EFR3A: variants seen among roughly 807,000 people sequenced by gnomAD.
EFR3A encodes protein EFR3 homolog A.
In EFR3A, 76 loss-of-function variants were observed where a neutral mutation model predicts 104.4. The observed-to-expected ratio is 0.73, with a 90% confidence interval of 0.60 to 0.88. The LOEUF (loss-of-function observed/expected upper bound fraction) is 0.88, where lower values mean the gene tolerates loss of function less well. EFR3A is among the 40% of genes least tolerant of loss of function. The pLI is 0.00. For missense variants in EFR3A, 985 were observed against 1,012.5 expected, an observed-to-expected ratio of 0.97 and a Z score of 0.37; for synonymous variants, 330 against 330.0, an observed-to-expected ratio of 1.00 and a Z score of 0.00.
chr8:131,967,540 G>A (rs1819803815), intron 8 of EFR3A, among the ~76,000 whole-genome samples: 1 of 148,130 alleles, frequency 6.8e-6, no homozygotes, highest in Non-Finnish European at 1.5e-5. Flanking sequence ...TGTAAGTGTA[G>A]GTTTTAAAAA....
intron 19 of EFR3A, among the ~76,000 whole-genome samples, chr8:132,000,570 A>G (rs1198938686): frequency 6.6e-6 from 1 of 152,184 alleles, no homozygotes. Flanking sequence ...TAAAAATTAT[A>G]TGTATCAAGA....
At chr8:131,976,283 C>G (rs1332643749) in intron 11 of EFR3A, 142 bp downstream of exon 11, 2 of 617,648 alleles carry the variant, frequency 3.2e-6, no homozygotes, top group African/African-American at 1.9e-5. Flanking sequence ...ATTATTATGA[C>G]AGTAGATTGC....
intron 22 of EFR3A, among the ~76,000 whole-genome samples, chr8:132,009,828 T>C (rs1166875036): frequency 6.6e-6 from 1 of 152,036 alleles, no homozygotes; most frequent in Non-Finnish European, 1.5e-5. Context: ...CTAAAAATTA[T>C]AAGGAAATAA....
chr8:131,968,282 T>C lies in EFR3A; in HGVS notation c.856-13T>C. ...ACTTTTTATACATCTTTGTACTGTT[T>C]TGTCTCCTTCAGGCTCAGTATTCTC... On this transcript the variant is annotated splice_polypyrimidine_tract_variant and intron_variant, in intron 8 of 22. Transcript: ENST00000254624. 6 of 1,612,448 alleles carry C rather than the reference T, an allele frequency of 3.7e-6. No homozygotes were observed. The highest frequency in any genetic ancestry group is 5.1e-6 in the Non-Finnish European group (6 of 1,178,990).
intron 1 of EFR3A, among the ~76,000 whole-genome samples, chr8:131,921,969 A>G (rs1339685318): frequency 6.6e-6 from 1 of 152,200 alleles, no homozygotes; most frequent in Non-Finnish European, 1.5e-5. Context: ...GGCTTAAGAC[A>G]ACAGAATATT....
chr8:131,949,918 G>T, intron 4 of EFR3A, 51 bp from the exon 5 acceptor site: 5 of 1,472,778 alleles, frequency 3.4e-6, no homozygotes, highest in Non-Finnish European at 4.6e-6. Flanking sequence ...AATGTATTTG[G>T]TTCACACTTC....
At chr8:132,010,439 T>TATATATATATAGG (rs1563716523) in intron 22 of EFR3A, among the ~76,000 whole-genome samples, 7 of 126,708 alleles carry the variant, frequency 5.5e-5, no homozygotes, top group African/African-American at 2.1e-4. Flanking sequence ...TATATATATA[T>TATATATATATAGG]ATATATATAT....
intron 1 of EFR3A, among the ~76,000 whole-genome samples, chr8:131,920,549 A>T (rs921019895): frequency 1.3e-5 from 2 of 152,196 alleles, no homozygotes; most frequent in African/African-American, 2.4e-5. Context: ...CTCAAGCAGG[A>T]TGTCGCTTCC....
At chr8:131,974,719 A>G (rs1364951434) in intron 10 of EFR3A, among the ~76,000 whole-genome samples, 16 of 152,216 alleles carry the variant, frequency 1.1e-4, no homozygotes, top group African/African-American at 2.4e-4. Flanking sequence ...GTTAACAACA[A>G]TATACTTTAT....
At chr8:132,003,165 G>A in intron 21 of EFR3A, 71 bp from the exon 22 acceptor site, 15 of 1,203,972 alleles carry the variant, frequency 1.2e-5, no homozygotes, top group Non-Finnish European at 1.8e-5. Flanking sequence ...TGTCTCTTAA[G>A]TTACATTGAT....
chr8:131,953,134 A>G (rs2130616510), intron 5 of EFR3A, among the ~76,000 whole-genome samples: 1 of 152,164 alleles, frequency 6.6e-6, no homozygotes, highest in Non-Finnish European at 1.5e-5. Flanking sequence ...GCTTTTTTAA[A>G]GAAGTGTAAG....
chr8:131,982,162 G>A (rs1311245392), intron 14 of EFR3A, among the ~76,000 whole-genome samples: 1 of 151,970 alleles, frequency 6.6e-6, no homozygotes, highest in Non-Finnish European at 1.5e-5. Context: ...GATGGAAATT[G>A]ACTCTTTCAA....
chr8:131,963,069 T>C (rs7465452), intron 8 of EFR3A, among the ~76,000 whole-genome samples: 4 of 150,812 alleles, frequency 2.7e-5, no homozygotes, highest in Non-Finnish European at 5.9e-5. Flanking sequence ...CATTTAAAGC[T>C]GTGTGTAGAG....
rs28516018 is a variant in EFR3A, at chr8:131,960,682, G to A, written c.855+1019G>A. On this transcript the variant is annotated intron_variant, in intron 8 of 22. Transcript: ENST00000254624. ...CTCTCTCCATAAAACAAACAAACTG[G>A]TCTTGACCAGGATTTATATCCTTAA... 1.3e-3 allele frequency among the ~76,000 whole-genome samples: 200 copies of A among 152,174 alleles called. 1 individual carries two copies. The highest frequency in any genetic ancestry group is 4.5e-3 in the African/African-American group (189 of 41,540).
chr8:131,906,872 TTTCA>T (rs1257073440), intron 1 of EFR3A, among the ~76,000 whole-genome samples: 2 of 152,364 alleles, frequency 1.3e-5, no homozygotes, highest in Admixed American at 1.3e-4. Context: ...GAGGCCTTTA[TTTCA>T]TTCTCCATTC....
intron 1 of EFR3A, among the ~76,000 whole-genome samples, chr8:131,904,622 C>T (rs1252642046): frequency 2.6e-5 from 4 of 152,244 alleles, no homozygotes; most frequent in Non-Finnish European, 4.4e-5. Context: ...AGCCCTTTTC[C>T]CACGGCCACA....
chr8:131,939,310 G>C (rs4358787), intron 1 of EFR3A, among the ~76,000 whole-genome samples: 47,974 of 151,956 alleles, frequency 0.32, 8,080 homozygotes, highest in East Asian at 0.61. Context: ...CTTCAGATCT[G>C]TCTGTTCCAA....
At chr8:131,916,749 T>C (rs1816760942) in intron 1 of EFR3A, among the ~76,000 whole-genome samples, 1 of 152,210 alleles carries the variant, frequency 6.6e-6, no homozygotes, top group Admixed American at 6.5e-5. Flanking sequence ...CTCACACTTA[T>C]TTTTAGTAGC....
chr8:131,930,807 TC>T (rs1446347075), intron 1 of EFR3A, among the ~76,000 whole-genome samples: 1 of 150,056 alleles, frequency 6.7e-6, no homozygotes, highest in African/African-American at 2.4e-5. Flanking sequence ...GTCATAGCAT[TC>T]ATTATTTTTC....
Sources: allele counts gnomAD v4.1 joint callset (sites outside exome capture counted in the v4.1 genomes callset), GRCh38; gene constraint gnomAD v4.1.1; transcripts MANE v1.5; gene names NCBI Gene and HGNC (gene_info 2026-07-23, HGNC 2026-07-21).